CTNNA3: variants seen among roughly 807,000 people sequenced by gnomAD.
CTNNA3 encodes catenin alpha 3.
In CTNNA3, 76 loss-of-function variants were observed where a neutral mutation model predicts 95.7. The ratio of observed to expected loss-of-function variants is 0.79; its 90% CI spans 0.66 to 0.96. CTNNA3 has a LOEUF of 0.96. Ranked by LOEUF, CTNNA3 falls within the 40% of genes least tolerant of loss-of-function variation. CTNNA3 has a pLI of 0.00. For missense variants in CTNNA3, 1,191 were observed against 1,089.8 expected, an observed-to-expected ratio of 1.09 and a Z score of -1.31; for synonymous variants, 431 against 374.4, an observed-to-expected ratio of 1.15 and a Z score of -1.74.
At chr10:66,650,406 T>C (rs1434089384) in intron 9 of CTNNA3, among the ~76,000 whole-genome samples, 1 of 152,162 alleles carries the variant, frequency 6.6e-6, no homozygotes, top group African/African-American at 2.4e-5. Flanking sequence ...TTAAACAATA[T>C]GCTCTTTAAC....
At chr10:66,746,684 GTC>G (rs34956087) in intron 9 of CTNNA3, among the ~76,000 whole-genome samples, 3,003 of 152,244 alleles carry the variant, frequency 0.02, 93 homozygotes, top group East Asian at 0.14. Flanking sequence ...TACCTTCTAT[GTC>G]TCTCTACACA....
intron 13 of CTNNA3, among the ~76,000 whole-genome samples, chr10:66,226,549 C>T (rs1194660929): frequency 1.3e-5 from 2 of 150,198 alleles, no homozygotes; most frequent in Non-Finnish European, 3.0e-5. Flanking sequence ...TTTCGTGGTT[C>T]CATACAAATT....
chr10:66,166,645 A>G (rs1307190683), intron 13 of CTNNA3, among the ~76,000 whole-genome samples: 1 of 152,184 alleles, frequency 6.6e-6, no homozygotes, highest in African/African-American at 2.4e-5. Flanking sequence ...GGTACATAAC[A>G]TATTTTCGAA....
chr10:66,213,839 T>A (rs957835897), intron 13 of CTNNA3, among the ~76,000 whole-genome samples: 1 of 152,222 alleles, frequency 6.6e-6, no homozygotes, highest in East Asian at 1.9e-4. Flanking sequence ...CAGATTTTTA[T>A]GCTTTGGCCC....
intron 7 of CTNNA3, among the ~76,000 whole-genome samples, chr10:66,973,273 T>C (rs1023397312): frequency 2.6e-5 from 4 of 152,150 alleles, no homozygotes; most frequent in Non-Finnish European, 5.9e-5. Flanking sequence ...GTATGAGTTT[T>C]GAAAAAGAAA....
intron 15 of CTNNA3, among the ~76,000 whole-genome samples, chr10:65,992,894 T>C (rs1270578779): frequency 6.6e-6 from 1 of 152,180 alleles, no homozygotes; most frequent in Non-Finnish European, 1.5e-5. Context: ...ACTTCCCTCT[T>C]AGCACTGCTT....
intron 5 of CTNNA3, among the ~76,000 whole-genome samples, chr10:67,443,245 G>T (rs982239498): frequency 2.6e-5 from 4 of 151,044 alleles, no homozygotes; most frequent in African/African-American, 9.8e-5. Context: ...GAAGAGTGCC[G>T]CAATAAACAT....
intron 12 of CTNNA3, among the ~76,000 whole-genome samples, chr10:66,304,741 G>C (rs2091909264): frequency 6.6e-6 from 1 of 152,068 alleles, no homozygotes; most frequent in Admixed American, 6.6e-5. Flanking sequence ...GTATTATGTT[G>C]TATTGACTGT....
chr10:66,692,230 A>AT (rs1847575148), intron 9 of CTNNA3, among the ~76,000 whole-genome samples: 2 of 152,168 alleles, frequency 1.3e-5, no homozygotes, highest in South Asian at 4.1e-4. Flanking sequence ...ATTTAGATGA[A>AT]TGTATAACCA....
intron 5 of CTNNA3, among the ~76,000 whole-genome samples, chr10:67,467,236 T>TA (rs1485860614): frequency 1.3e-5 from 2 of 152,208 alleles, no homozygotes; most frequent in African/African-American, 2.4e-5. Context: ...CTTTAATCAC[T>TA]AAAAATCTAC....
chr10:66,541,536 T>C (rs186660962), intron 10 of CTNNA3, among the ~76,000 whole-genome samples: 8 of 152,310 alleles, frequency 5.3e-5, no homozygotes, highest in African/African-American at 1.9e-4. Flanking sequence ...ATTCCTTTAC[T>C]AATCTATTAA....
intron 5 of CTNNA3, among the ~76,000 whole-genome samples, chr10:67,455,258 C>G (rs1847129092): frequency 6.6e-6 from 1 of 151,978 alleles, no homozygotes; most frequent in Non-Finnish European, 1.5e-5. Flanking sequence ...AATAGGCATG[C>G]CTTATCTTCT....
chr10:67,086,251 A>T lies in CTNNA3; in HGVS notation c.1047+94066T>A, dbSNP rs550379334. 3.9e-5 allele frequency among the ~76,000 whole-genome samples: 6 copies of T among 152,120 alleles called. No individual in the cohort carries two copies. In the East Asian group the frequency reaches 1.2e-3, roughly 29 times the overall value. On this transcript the variant is annotated intron_variant, in intron 7 of 17. Coordinates refer to ENST00000433211, the MANE Select transcript of CTNNA3 (RefSeq NM_013266.4). ...CTATAAAATGAAACTCATCTGAAGG[A>T]TTTTCTTTAAAAAATGTTACTTGAA...
chr10:67,278,798 G>C (rs2132437053), intron 5 of CTNNA3, among the ~76,000 whole-genome samples: 1 of 152,202 alleles, frequency 6.6e-6, no homozygotes, highest in Non-Finnish European at 1.5e-5. Flanking sequence ...ATATATTTTG[G>C]GGTAAAACAT....
chr10:66,667,690 C>G (rs1035920869), intron 9 of CTNNA3, among the ~76,000 whole-genome samples: 36 of 152,066 alleles, frequency 2.4e-4, no homozygotes, highest in Non-Finnish European at 5.3e-4. Context: ...TTTAATAATT[C>G]TGTGCTGGCT....
chr10:66,918,092 T>G (rs916459161), intron 7 of CTNNA3, among the ~76,000 whole-genome samples: 3 of 152,216 alleles, frequency 2.0e-5, no homozygotes, highest in African/African-American at 7.2e-5. Context: ...TTCTCTCAGC[T>G]TAAGTGACTA....
chr10:66,704,690 A>C (rs1848061686), intron 9 of CTNNA3, among the ~76,000 whole-genome samples: 1 of 152,050 alleles, frequency 6.6e-6, no homozygotes, highest in South Asian at 2.1e-4. Context: ...TTTTGACTAC[A>C]CCAGTCACAT....
At chr10:67,411,742 G>C (rs1845374816) in intron 5 of CTNNA3, among the ~76,000 whole-genome samples, 1 of 152,080 alleles carries the variant, frequency 6.6e-6, no homozygotes. Flanking sequence ...GTCAGATTTT[G>C]AGTTTTACAG....
At chr10:67,495,100 G>T (rs1163607249) in intron 5 of CTNNA3, among the ~76,000 whole-genome samples, 2 of 152,156 alleles carry the variant, frequency 1.3e-5, no homozygotes, top group Non-Finnish European at 2.9e-5. Flanking sequence ...GCAACAGCTT[G>T]TCTCCCACCT....
Sources: allele counts gnomAD v4.1 joint callset (sites outside exome capture counted in the v4.1 genomes callset), GRCh38; gene constraint gnomAD v4.1.1; transcripts MANE v1.5; gene names NCBI Gene and HGNC (gene_info 2026-07-23, HGNC 2026-07-21).